MAPRE3: variants seen among roughly 807,000 people sequenced by gnomAD.
The protein encoded by MAPRE3 is microtubule-associated protein RP/EB family member 3.
MAPRE3 carries 2 observed loss-of-function variants against 30.5 expected under a neutral mutation model. The observed-to-expected ratio is 0.07, with a 90% CI of 0.03 to 0.21. The LOEUF (loss-of-function observed/expected upper bound fraction) is 0.21. Among genes scored for constraint, MAPRE3 ranks in the 10% least tolerant of loss-of-function variants. The pLI is 1.00. For missense variants in MAPRE3, 204 were observed against 351.8 expected, an observed-to-expected ratio of 0.58 and a Z score of 3.36; for synonymous variants, 110 against 127.7, an observed-to-expected ratio of 0.86 and a Z score of 0.93.
At chr2:27,021,916 G>T (rs1667118187) in intron 1 of MAPRE3, among the ~76,000 whole-genome samples, 1 of 152,168 alleles carries the variant, frequency 6.6e-6, no homozygotes, top group African/African-American at 2.4e-5. Flanking sequence ...ACATTTATGT[G>T]CCTGTTTCAC....
chr2:26,972,102 T>G (rs936465105), intron 1 of MAPRE3, among the ~76,000 whole-genome samples: 8 of 152,234 alleles, frequency 5.3e-5, no homozygotes, highest in African/African-American at 1.7e-4. Context: ...GGCCCCTAAC[T>G]ACTATATGAC....
At position 27,026,360 on chromosome 2, in the gene MAPRE3, G is replaced by T; in HGVS notation, c.*12G>T. 6.2e-7 allele frequency: 1 copy of T among 1,610,502 alleles called. No homozygotes were observed. On this transcript the variant is annotated 3_prime_UTR_variant, in exon 7 of 7. Transcript: ENST00000233121. ...AGGACGAGTACTGAGGGCGGCCGCA[G>T]CCCTGGCTGACTGCACAGCTTCCCC... is the stretch of plus-strand genomic sequence containing the variant.
Position 27,025,634 on chromosome 2 carries a change from G to T in MAPRE3, c.521G>T (p.Arg174Leu). ...TGPKNMQTSG[R>L]LSNVAPPCIL... ...CCAAAAAACATGCAGACCTCTGGCC[G>T]GCTGAGCAATGTGGCCCCCCCCTGC... The change falls in exon 5 of 7, where the codon CGG becomes CTG. Residue 174 changes from arginine to leucine, a missense_variant. Physicochemically the swap from Arg to Leu is moderately radical, Grantham distance 102. Transcript: ENST00000233121. 1 of 1,606,388 alleles carries T rather than the reference G, an allele frequency of 6.2e-7. No individual in the cohort carries two copies. The highest frequency in any genetic ancestry group is 8.5e-7 in the Non-Finnish European group (1 of 1,176,178).
At chr2:26,987,869 G>C (rs893442129) in intron 1 of MAPRE3, among the ~76,000 whole-genome samples, 20 of 152,198 alleles carry the variant, frequency 1.3e-4, no homozygotes, top group African/African-American at 4.6e-4. Context: ...AAATTATGGT[G>C]CATGCCTCGG....
chr2:27,022,525 G>T (rs1651118161), intron 2 of MAPRE3, 186 bp downstream of exon 2: 3 of 740,434 alleles, frequency 4.1e-6, no homozygotes, highest in Non-Finnish European at 4.3e-6. Context: ...ACACAAACCT[G>T]GATGGTGTAG....
At chr2:27,017,803 A>ATGTGTG (rs34348240) in intron 1 of MAPRE3, among the ~76,000 whole-genome samples, 39 of 151,498 alleles carry the variant, frequency 2.6e-4, no homozygotes, top group African/African-American at 8.5e-4. Flanking sequence ...CTTTAAAATT[A>ATGTGTG]TGTGTGTGTG....
intron 1 of MAPRE3, among the ~76,000 whole-genome samples, chr2:27,010,720 G>A (rs1162970141): frequency 6.6e-6 from 1 of 152,098 alleles, no homozygotes; most frequent in Non-Finnish European, 1.5e-5. Flanking sequence ...TGGGATTACA[G>A]GCATGAGCCA....
At chr2:27,009,702 G>A (rs12714038) in intron 1 of MAPRE3, 147,094 of 152,312 alleles carry the variant, frequency 0.97, 71,223 homozygotes, top group East Asian at 1. Flanking sequence ...TTCTGCCCCA[G>A]CATGACTCTG....
chr2:26,995,218 A>G (rs1666426389), intron 1 of MAPRE3, among the ~76,000 whole-genome samples: 1 of 152,170 alleles, frequency 6.6e-6, no homozygotes, highest in Non-Finnish European at 1.5e-5. Flanking sequence ...TCTTGACCAA[A>G]AGGGAGGCTC....
At chr2:27,010,111 A>G (rs938247889) in intron 1 of MAPRE3, among the ~76,000 whole-genome samples, 3 of 152,238 alleles carry the variant, frequency 2.0e-5, no homozygotes, top group Non-Finnish European at 2.9e-5. Context: ...AATTTTGTCT[A>G]TTCTTCCTGC....
Position 26,989,041 on chromosome 2 carries a change from G to A in MAPRE3, c.-8+18239G>A, listed in dbSNP as rs147448456. Among the ~76,000 whole-genome samples the A allele has an allele frequency of 8.4e-3, 1,276 of 152,220 alleles. 17 individuals carry two copies. The highest frequency in any genetic ancestry group is 0.03 in the African/African-American group (1,232 of 41,524). On this transcript the variant is annotated intron_variant, in intron 1 of 6. Coordinates refer to ENST00000233121, the MANE Select transcript of MAPRE3 (RefSeq NM_012326.4). ...AGTTTATTATTCATTCTTGCTGCCC[G>A]ACAGGTAGACAGCATCACCACCTCA...
At chr2:27,003,810 T>C (rs1441530338) in intron 1 of MAPRE3, among the ~76,000 whole-genome samples, 1 of 152,198 alleles carries the variant, frequency 6.6e-6, no homozygotes, top group Admixed American at 6.5e-5. Flanking sequence ...ATTTCATTGT[T>C]ACCGGCCCCA....
At chr2:27,011,656 GC>G (rs1666858944) in intron 1 of MAPRE3, 1 of 151,538 alleles carries the variant, frequency 6.6e-6, no homozygotes, top group Non-Finnish European at 1.5e-5. Context: ...GACCAGCCTG[GC>G]CAATACGGTG....
At position 27,008,099 on chromosome 2, in the gene MAPRE3, C is replaced by T. The variant is rs1037214223; in HGVS notation, c.-7-14113C>T. Among the ~76,000 whole-genome samples, 10 of 152,222 alleles carry T rather than the reference C, an allele frequency of 6.6e-5. 1 individual carries two copies. Among genetic ancestry groups the T allele is most frequent in the African/African-American group, 1.9e-4 (8 of 41,446 alleles). ...GGATGTTTCTGAATCTTTATGGATT[C>T]AGCCCCAATAATCCTACAGACAATT... On this transcript the variant is annotated intron_variant, in intron 1 of 6. Coordinates refer to ENST00000233121, the MANE Select transcript of MAPRE3 (RefSeq NM_012326.4).
Position 26,991,036 on chromosome 2 carries a change from G to A in MAPRE3, c.-8+20234G>A, listed in dbSNP as rs564663397. Among the ~76,000 whole-genome samples, 13 of 152,274 alleles carry A rather than the reference G, an allele frequency of 8.5e-5. No individual in the cohort carries two copies. The South Asian group carries it at 2.1e-3, about 24-fold the overall frequency. ...TGGGAGGCCGAGGCGGGCGGATCAC[G>A]AGGTCTGCAGATTGAGACCATCCTG... On this transcript the variant is annotated intron_variant, in intron 1 of 6. Coordinates refer to ENST00000233121, the MANE Select transcript of MAPRE3 (RefSeq NM_012326.4).
chr2:26,980,277 G>C (rs1666086643), intron 1 of MAPRE3, among the ~76,000 whole-genome samples: 2 of 152,232 alleles, frequency 1.3e-5, no homozygotes, highest in African/African-American at 4.8e-5. Flanking sequence ...AAAATTGACA[G>C]AGAAAAATAG....
intron 1 of MAPRE3, among the ~76,000 whole-genome samples, chr2:26,988,183 T>C (rs1334728020): frequency 6.6e-6 from 1 of 152,216 alleles, no homozygotes. Flanking sequence ...AGTGATACCA[T>C]TGTCTTCATG....
chr2:27,016,546 G>A (rs927157612), intron 1 of MAPRE3, among the ~76,000 whole-genome samples: 14 of 151,940 alleles, frequency 9.2e-5, no homozygotes, highest in Non-Finnish European at 1.9e-4. Flanking sequence ...CACTGTGCCC[G>A]GCTAATTTTT....
intron 1 of MAPRE3, among the ~76,000 whole-genome samples, chr2:27,011,405 T>A (rs1666851537): frequency 3.9e-5 from 6 of 152,168 alleles, no homozygotes; most frequent in Admixed American, 3.9e-4. Context: ...CCTTGTTATT[T>A]TATAAATTAC....
Sources: gnomAD v4.1 joint callset for allele counts (sites outside exome capture counted in the v4.1 genomes callset) on GRCh38, gnomAD v4.1.1 for gene constraint, MANE v1.5 for transcripts, NCBI Gene and HGNC (gene_info 2026-07-23, HGNC 2026-07-21) for gene names.